The following RUFY2 variants were observed in gnomAD, a reference collection of about 807,000 sequenced individuals.
RUFY2 encodes RUN and FYVE domain-containing protein 2.
Under a neutral mutation model 94.4 loss-of-function variants are expected in RUFY2, and 49 were observed. That is an observed-to-expected ratio of 0.52 (90% confidence interval 0.41 to 0.66). RUFY2 has a LOEUF of 0.66. RUFY2 is among the 30% of genes least tolerant of loss of function. The pLI is 0.00. For synonymous variants in RUFY2, 255 were observed against 235.7 expected, an observed-to-expected ratio of 1.08 and a Z score of -0.75; for missense variants, 541 against 692.8, an observed-to-expected ratio of 0.78 and a Z score of 2.46.
At position 68,381,412 on chromosome 10, in the gene RUFY2, T is replaced by C. The variant is rs1274600139; in HGVS notation, c.940-13A>G. On this transcript the variant is annotated splice_polypyrimidine_tract_variant and intron_variant, in intron 10 of 17. Coordinates refer to ENST00000602465, the MANE Select transcript of RUFY2 (RefSeq NM_001330103.2). Reference sequence around the variant, plus strand: ...CATTCTCTACATCCTGCAATTTCAATGTATCCTCAATTCACATGCCACTTC... The same window carrying C: ...CATTCTCTACATCCTGCAATTTCAACGTATCCTCAATTCACATGCCACTTC... 3.1e-6 allele frequency: 5 copies of C among 1,603,384 alleles called. No homozygotes were observed. Among genetic ancestry groups the C allele is most frequent in the Admixed American group, 1.7e-5 (1 of 57,596 alleles).
chr10:68,404,364 A>G (rs1022094553), intron 2 of RUFY2, among the ~76,000 whole-genome samples: 3 of 152,346 alleles, frequency 2.0e-5, no homozygotes, highest in African/African-American at 7.2e-5. Context: ...TCATAACAGT[A>G]TCACCAGCTT....
At chr10:68,361,001 G>A (rs1175258086) in intron 15 of RUFY2, among the ~76,000 whole-genome samples, 1 of 152,014 alleles carries the variant, frequency 6.6e-6, no homozygotes, top group African/African-American at 2.4e-5. Context: ...TGAAGTGAGG[G>A]GCCGGGCGTG....
At chr10:68,349,546 A>AT (rs1444919552) in intron 16 of RUFY2, among the ~76,000 whole-genome samples, 6 of 149,940 alleles carry the variant, frequency 4.0e-5, no homozygotes, top group African/African-American at 4.9e-5. Context: ...AGAAAAAAAA[A>AT]TTTTTTTTTT....
chr10:68,407,145 G>A (rs771198502), intron 1 of RUFY2, 41 bp downstream of exon 1: 2 of 1,502,798 alleles, frequency 1.3e-6, no homozygotes, highest in Admixed American at 2.3e-5. Context: ...CTCAGCCCGG[G>A]ACTGAGGGCC....
At chr10:68,377,692 T>G in intron 12 of RUFY2, 1 of 985,430 alleles carries the variant, frequency 1.0e-6, no homozygotes, top group Non-Finnish European at 1.2e-6. Context: ...CATTTTCCTG[T>G]GCTTAGCTCC....
At chr10:68,393,450 G>A (rs748276765) in intron 6 of RUFY2, among the ~76,000 whole-genome samples, 4 of 151,878 alleles carry the variant, frequency 2.6e-5, no homozygotes, top group South Asian at 2.1e-4. Flanking sequence ...AATTAGGGCC[G>A]GGCACAGTGG....
At chr10:68,377,559 A>G (rs1397115742) in intron 12 of RUFY2, 6 of 985,256 alleles carry the variant, frequency 6.1e-6, no homozygotes, top group Non-Finnish European at 7.2e-6. Context: ...TAAGATTCAA[A>G]AAGAATTTGG....
At chr10:68,366,317 A>T (rs1444240592) in intron 13 of RUFY2, among the ~76,000 whole-genome samples, 1 of 146,566 alleles carries the variant, frequency 6.8e-6, no homozygotes, top group Non-Finnish European at 1.5e-5. Flanking sequence ...GTGACTGAGC[A>T]AGAACTCCAT....
Position 68,407,145 on chromosome 10 carries a change from G to T in RUFY2, c.4+41C>A, listed in dbSNP as rs771198502. 2.0e-6 allele frequency: 3 copies of T among 1,502,798 alleles called. No individual in the cohort carries two copies. In the South Asian group the frequency reaches 3.7e-5, roughly 19 times the overall value. 93.1% of individuals were successfully genotyped at this position (1,502,798 alleles called of 1,614,324 possible). A position where few individuals can be genotyped will look rare whatever the true frequency, so the allele number is the denominator to read the frequency against. The stretch of plus-strand genomic sequence containing the variant: ...CGCCTGGCCGCGGCCCTCAGCCCGG[G>T]ACTGAGGGCCTAGCGTTCGGTTTCG... On this transcript the variant is annotated intron_variant, in intron 1 of 17. Transcript: ENST00000602465.
intron 4 of RUFY2, among the ~76,000 whole-genome samples, chr10:68,395,805 C>T (rs2050350467): frequency 6.6e-6 from 1 of 152,134 alleles, no homozygotes; most frequent in Non-Finnish European, 1.5e-5. Flanking sequence ...TGGTCATTCT[C>T]GTTTAACAAC....
intron 16 of RUFY2, chr10:68,346,378 G>A: frequency 3.5e-6 from 1 of 286,230 alleles, no homozygotes; most frequent in Non-Finnish European, 6.5e-6. Context: ...ATCGCCTGAG[G>A]CCTGGAGTTC....
rs1227185682 is a variant in RUFY2, at chr10:68,376,459, TATATATATATATATATATATATATATATA to T, written c.1325+365_1325+393del. The stretch of plus-strand genomic sequence containing the variant: ...AAATGTGTGTATATATATATATATA[TATATATATATATATATATATATATATATA>T]TATTCTCAGAAAACAGCATGTCCTT... On this transcript the variant is annotated intron_variant, in intron 13 of 17. Coordinates refer to ENST00000602465, the MANE Select transcript of RUFY2 (RefSeq NM_001330103.2). Among the ~76,000 whole-genome samples, 192 of 27,776 alleles carry T rather than the reference TATATATATATATATATATATATATATATA, an allele frequency of 6.9e-3. 11 individuals are homozygous for T. Among genetic ancestry groups the T allele is most frequent in the East Asian group, 0.031 (19 of 604 alleles). The allele number at this position is 27,776 out of a possible 152,430, so 18.2% of individuals were successfully genotyped here.
intron 12 of RUFY2, chr10:68,379,044 C>G: frequency 3.7e-6 from 1 of 269,964 alleles, no homozygotes. Context: ...TTCAGATAAA[C>G]AGATGGTGAA....
At chr10:68,375,424 C>G (rs550971971) in intron 13 of RUFY2, among the ~76,000 whole-genome samples, 1 of 151,770 alleles carries the variant, frequency 6.6e-6, no homozygotes. Context: ...CACGTGTTTA[C>G]CTAGTAACAA....
At chr10:68,396,091 C>T (rs115674504) in intron 4 of RUFY2, among the ~76,000 whole-genome samples, 4,564 of 152,268 alleles carry the variant, frequency 0.03, 226 homozygotes, top group African/African-American at 0.1. Context: ...CTCCCTCTAC[C>T]GGGTTCATGT....
At chr10:68,377,443 A>C in intron 12 of RUFY2, 9 of 995,376 alleles carry the variant, frequency 9.0e-6, no homozygotes, top group Non-Finnish European at 1.1e-5. Context: ...AAAGACCTGC[A>C]ATTACTCCAA....
chr10:68,341,141 T>A, downstream of RUFY2: 1 of 1,457,062 alleles, frequency 6.9e-7, no homozygotes, highest in Non-Finnish European at 9.3e-7. Flanking sequence ...ATATTCTCAA[T>A]AGAAAAGTAA....
intron 7 of RUFY2, among the ~76,000 whole-genome samples, chr10:68,390,164 A>G (rs1317508527): frequency 6.6e-6 from 1 of 152,202 alleles, no homozygotes; most frequent in Non-Finnish European, 1.5e-5. Context: ...AAATATACAT[A>G]TATTTCCTAC....
intron 12 of RUFY2, 92 bp from the exon 13 acceptor site, chr10:68,377,064 T>C: frequency 1.3e-6 from 2 of 1,547,598 alleles, no homozygotes; most frequent in Non-Finnish European, 1.7e-6. Flanking sequence ...AATGGGGAAA[T>C]AGAAACATTT....
Sources: gnomAD v4.1 joint callset for allele counts (sites outside exome capture counted in the v4.1 genomes callset) on GRCh38, gnomAD v4.1.1 for gene constraint, MANE v1.5 for transcripts, NCBI Gene and HGNC (gene_info 2026-07-23, HGNC 2026-07-21) for gene names.